The following TMEM132C variants were observed in gnomAD, a reference collection of about 807,000 sequenced individuals.
TMEM132C encodes the protein protein phosphatase 1, regulatory subunit 152.
Under a neutral mutation model 61.4 loss-of-function variants are expected in TMEM132C, and 29 were observed. The observed-to-expected ratio is 0.47, with a 90% confidence interval of 0.35 to 0.64. The LOEUF (loss-of-function observed/expected upper bound fraction) is 0.64, where lower values mean the gene tolerates loss of function less well. TMEM132C is among the 30% of genes least tolerant of loss of function. The pLI, the probability that TMEM132C is intolerant of heterozygous loss-of-function variation, is 0.00. For missense variants in TMEM132C, 1,408 were observed against 1,476.9 expected, an observed-to-expected ratio of 0.95 and a Z score of 0.76; for synonymous variants, 656 against 633.1, an observed-to-expected ratio of 1.04 and a Z score of -0.54.
chr12:128,485,772 C>T (rs982403830), intron 2 of TMEM132C, among the ~76,000 whole-genome samples: 2 of 152,152 alleles, frequency 1.3e-5, no homozygotes, highest in African/African-American at 2.4e-5. Flanking sequence ...ATGCGTTAAG[C>T]GGATTGCTCT....
chr12:128,551,939 C>G (rs1411177179), intron 3 of TMEM132C, among the ~76,000 whole-genome samples: 1 of 152,210 alleles, frequency 6.6e-6, no homozygotes, highest in Non-Finnish European at 1.5e-5. Context: ...TCAAGCATTC[C>G]TGGAGCCTTA....
chr12:128,312,344 G>A (rs1484024538), intron 1 of TMEM132C, among the ~76,000 whole-genome samples: 1 of 152,138 alleles, frequency 6.6e-6, no homozygotes, highest in Non-Finnish European at 1.5e-5. Context: ...GTCTTGCTCT[G>A]TTGCCCAGGC....
At chr12:128,604,406 AAGATAGATAGATAGATAGAT>A (rs199758796) in intron 3 of TMEM132C, among the ~76,000 whole-genome samples, 8 of 144,538 alleles carry the variant, frequency 5.5e-5, no homozygotes, top group South Asian at 2.4e-4. Context: ...TAATGGATGG[AAGATAGATAGATAGATAGAT>A]AGATAGATAG....
chr12:128,371,718 A>G (rs1681900277), intron 1 of TMEM132C, among the ~76,000 whole-genome samples: 5 of 152,134 alleles, frequency 3.3e-5, no homozygotes. Flanking sequence ...AACTAAAGGC[A>G]CATGTCACCA....
intron 3 of TMEM132C, among the ~76,000 whole-genome samples, chr12:128,561,090 T>C (rs572297263): frequency 6.6e-6 from 1 of 152,290 alleles, no homozygotes. Context: ...CCCCCAGACC[T>C]CCCTGCCAGC....
In TMEM132C at chr12:128,267,361, C is replaced by A; in HGVS notation, c.-42C>A. ...GCGGGGGCCGCGGGCGGGCGCTGCG[C>A]TTCGGGCTGGCGGCGGGCTGCGTGA... On this transcript the variant is annotated 5_prime_UTR_variant, in exon 1 of 9. Transcript: ENST00000435159. 9.8e-7 allele frequency: 1 copy of A among 1,016,974 alleles called. No homozygotes were observed. Among genetic ancestry groups the A allele is most frequent in the South Asian group, 4.5e-5 (1 of 22,342 alleles). The allele number at this position is 1,016,974 out of a possible 1,614,324, so 63.0% of individuals were successfully genotyped here. A position where few individuals can be genotyped will look rare whatever the true frequency, so the allele number is the denominator to read the frequency against.
chr12:128,521,222 A>C (rs1323662027), intron 2 of TMEM132C, among the ~76,000 whole-genome samples: 1 of 152,138 alleles, frequency 6.6e-6, no homozygotes, highest in Non-Finnish European at 1.5e-5. Flanking sequence ...CTCTGTTCTA[A>C]GAGACAGAAG....
At chr12:128,438,853 C>G (rs1479909871) in intron 2 of TMEM132C, 2 of 152,140 alleles carry the variant, frequency 1.3e-5, no homozygotes, top group Admixed American at 6.5e-5. Context: ...CATTTTTTTC[C>G]CAGTATTCAA....
At chr12:128,268,760 C>CCAGAAAAAT (rs1870405485) in intron 1 of TMEM132C, among the ~76,000 whole-genome samples, 1 of 151,926 alleles carries the variant, frequency 6.6e-6, no homozygotes, top group Admixed American at 6.6e-5. Flanking sequence ...GCCTGAAAAT[C>CCAGAAAAAT]CAGAAAAATC....
intron 1 of TMEM132C, among the ~76,000 whole-genome samples, chr12:128,322,458 C>T (rs2135936399): frequency 6.6e-6 from 1 of 152,360 alleles, no homozygotes; most frequent in Non-Finnish European, 1.5e-5. Context: ...GGTTTTGACA[C>T]AGCAATAAGT....
At chr12:128,683,846 G>A (rs12580976) in intron 5 of TMEM132C, among the ~76,000 whole-genome samples, 8,711 of 152,046 alleles carry the variant, frequency 0.057, 445 homozygotes, top group South Asian at 0.14. Flanking sequence ...GATGCCTGTC[G>A]TCCCAAGTAC....
chr12:128,654,275 C>T (rs1309961799), intron 4 of TMEM132C, among the ~76,000 whole-genome samples: 3 of 152,114 alleles, frequency 2.0e-5, no homozygotes, highest in Non-Finnish European at 2.9e-5. Flanking sequence ...TCCACGGTGG[C>T]AGAGGCAGAG....
chr12:128,368,778 G>C (rs1240159142), intron 1 of TMEM132C, among the ~76,000 whole-genome samples: 5 of 152,162 alleles, frequency 3.3e-5, no homozygotes, highest in African/African-American at 7.2e-5. Context: ...TCCAAGACAA[G>C]CACTGCCAGC....
intron 1 of TMEM132C, among the ~76,000 whole-genome samples, chr12:128,408,624 T>A (rs1366292572): frequency 6.6e-6 from 1 of 152,226 alleles, no homozygotes; most frequent in East Asian, 1.9e-4. Flanking sequence ...GCCAGAGCTC[T>A]TTCTGGAATG....
At chr12:128,638,974 G>C (rs1954125332) in intron 4 of TMEM132C, among the ~76,000 whole-genome samples, 1 of 136,530 alleles carries the variant, frequency 7.3e-6, no homozygotes, top group Non-Finnish European at 1.6e-5. Flanking sequence ...GGTGGTGATG[G>C]TGATGATGGT....
At chr12:128,460,776 C>T (rs982928841) in intron 2 of TMEM132C, among the ~76,000 whole-genome samples, 1 of 152,166 alleles carries the variant, frequency 6.6e-6, no homozygotes, top group Non-Finnish European at 1.5e-5. Context: ...ACCCGCAGGA[C>T]TCCACTCTTG....
intron 2 of TMEM132C, among the ~76,000 whole-genome samples, chr12:128,499,618 C>A (rs146146283): frequency 1.3e-5 from 2 of 152,168 alleles, no homozygotes; most frequent in Non-Finnish European, 2.9e-5. Flanking sequence ...TAAGCTCCCA[C>A]GTATGAATGA....
At position 128,602,170 on chromosome 12, in the gene TMEM132C, G is replaced by A. The variant is rs574421926; in HGVS notation, c.1122-13982G>A. 1.4e-4 allele frequency among the ~76,000 whole-genome samples: 21 copies of A among 152,322 alleles called. No homozygotes were observed. In the South Asian group the frequency reaches 3.5e-3, roughly 26 times the overall value. On this transcript the variant is annotated intron_variant, in intron 3 of 8. Coordinates refer to ENST00000435159, the MANE Select transcript of TMEM132C (RefSeq NM_001136103.3). The stretch of plus-strand genomic sequence containing the variant: ...GCTGCAATGAGCCACGATGGCACCA[G>A]TGTGCTGCAGCCCGGACAGAGCAAG...
At chr12:128,461,850 G>A (rs1425529363) in intron 2 of TMEM132C, among the ~76,000 whole-genome samples, 2 of 152,142 alleles carry the variant, frequency 1.3e-5, no homozygotes, top group African/African-American at 4.8e-5. Flanking sequence ...CCATTCTCCA[G>A]GGGTGATGGA....
Sources: gnomAD v4.1 joint callset for allele counts (sites outside exome capture counted in the v4.1 genomes callset) on GRCh38, gnomAD v4.1.1 for gene constraint, MANE v1.5 for transcripts, NCBI Gene and HGNC (gene_info 2026-07-23, HGNC 2026-07-21) for gene names.